Variants in RAB6B observed in about 807,000 individuals in gnomAD.
RAB6B encodes RAB6B, member RAS oncogene family.
A neutral mutation model predicts 31.2 loss-of-function variants in RAB6B; 7 were observed. That is an observed-to-expected ratio of 0.22 (90% CI 0.13 to 0.42). The LOEUF (loss-of-function observed/expected upper bound fraction) is 0.42. RAB6B is among the 10% of genes least tolerant of loss of function. The probability of loss-of-function intolerance (pLI) is 1.00; values close to 1 mark genes in which losing one functional copy is unlikely to be tolerated. For synonymous variants in RAB6B, 105 were observed against 104.9 expected, an observed-to-expected ratio of 1.00 and a Z score of -0.01; for missense variants, 149 against 280.6, an observed-to-expected ratio of 0.53 and a Z score of 3.35.
intron 1 of RAB6B, among the ~76,000 whole-genome samples, chr3:133,879,257 T>A (rs948281565): frequency 3.9e-5 from 6 of 152,244 alleles, no homozygotes; most frequent in African/African-American, 1.4e-4. Context: ...TTATTTTAAT[T>A]ACACGCACAC....
Position 133,895,546 on chromosome 3 carries a change from A to T in RAB6B, c.-80T>A, listed in dbSNP as rs1302644129. On this transcript the variant is annotated 5_prime_UTR_variant, in exon 1 of 8. Coordinates refer to ENST00000285208, the MANE Select transcript of RAB6B (RefSeq NM_016577.4). The stretch of plus-strand genomic sequence containing the variant: ...GAGGGGAGAGTAGGAGGGCGAGGGG[A>T]GGCGGCCGGCGGTGCGGGAGCCGGA... 6 of 1,466,246 alleles carry T rather than the reference A, an allele frequency of 4.1e-6. No homozygotes were observed. Among genetic ancestry groups the T allele is most frequent in the African/African-American group, 1.4e-5 (1 of 71,112 alleles). The allele number at this position is 1,466,246 out of a possible 1,614,324, so 90.8% of individuals were successfully genotyped here.
intron 1 of RAB6B, among the ~76,000 whole-genome samples, chr3:133,871,407 G>A (rs1936321746): frequency 6.6e-6 from 1 of 152,246 alleles, no homozygotes; most frequent in Non-Finnish European, 1.5e-5. Flanking sequence ...AACATTCCCG[G>A]GGAAGGGACT....
At chr3:133,869,713 T>C (rs1454966481) in intron 1 of RAB6B, among the ~76,000 whole-genome samples, 6 of 152,182 alleles carry the variant, frequency 3.9e-5, no homozygotes, top group Non-Finnish European at 4.4e-5. Context: ...GCCTGGAGTG[T>C]GCTCACACTG....
intron 7 of RAB6B, among the ~76,000 whole-genome samples, chr3:133,833,967 C>T (rs1299466408): frequency 6.6e-6 from 1 of 152,184 alleles, no homozygotes; most frequent in Non-Finnish European, 1.5e-5. Flanking sequence ...TGAATCCTAA[C>T]TGTAACTTAC....
chr3:133,861,718 C>T lies in RAB6B; in HGVS notation c.129+2866G>A, dbSNP rs183150795. 2.6e-5 allele frequency among the ~76,000 whole-genome samples: 4 copies of T among 152,164 alleles called. No homozygotes were observed. In the East Asian group the frequency reaches 5.8e-4, roughly 22 times the overall value. ...AACATCTTTTGTCAGAATGAGTGAA[C>T]GAGAGGGGAGTAGTGGGGCCAGAGA... is the stretch of plus-strand genomic sequence containing the variant. On this transcript the variant is annotated intron_variant, in intron 2 of 7. Coordinates refer to ENST00000285208, the MANE Select transcript of RAB6B (RefSeq NM_016577.4).
intron 1 of RAB6B, among the ~76,000 whole-genome samples, chr3:133,865,446 G>C (rs552178415): frequency 6.6e-6 from 1 of 152,246 alleles, no homozygotes. Flanking sequence ...CTCCCCTGGG[G>C]CCTGGCAGTG....
intron 1 of RAB6B, among the ~76,000 whole-genome samples, chr3:133,889,422 ATATATATATATATATATATATATT>A (rs1936602776): frequency 1.7e-5 from 1 of 58,170 alleles, no homozygotes; most frequent in African/African-American, 7.2e-5. Context: ...ATATATATAT[ATATATATATATATATATATATATT>A]TATTTTGGGA....
chr3:133,846,921 T>A (rs1259854872), intron 2 of RAB6B, among the ~76,000 whole-genome samples: 3 of 152,196 alleles, frequency 2.0e-5, no homozygotes, highest in Admixed American at 6.5e-5. Context: ...AGTCACATAA[T>A]TTGTCACCAG....
chr3:133,835,385 TTATG>T (rs1380941140), intron 6 of RAB6B, among the ~76,000 whole-genome samples: 2 of 151,764 alleles, frequency 1.3e-5, no homozygotes, highest in South Asian at 2.1e-4. Flanking sequence ...TGTGGCATCT[TTATG>T]TGTGTGTTTG....
At chr3:133,875,673 A>T (rs1250980013) in intron 1 of RAB6B, among the ~76,000 whole-genome samples, 1 of 152,116 alleles carries the variant, frequency 6.6e-6, no homozygotes, top group Non-Finnish European at 1.5e-5. Flanking sequence ...GGGGCTTCTA[A>T]ACTGAGAGTC....
intron 1 of RAB6B, chr3:133,885,411 C>T: frequency 1.4e-6 from 1 of 694,832 alleles, no homozygotes. Context: ...TGCTCACACA[C>T]TAATGATCAG....
In RAB6B at chr3:133,827,155, C is replaced by T. The variant is rs146832363; in HGVS notation, c.*1633G>A. On this transcript the variant is annotated 3_prime_UTR_variant, in exon 8 of 8. Coordinates refer to ENST00000285208, the MANE Select transcript of RAB6B (RefSeq NM_016577.4). ...GCACAAATATCAGTCCTGCCAGATT[C>T]TGCTGCACTTACTGCCTGCCATTTC... 2.0e-5 allele frequency: 3 copies of T among 152,510 alleles called. No homozygotes were observed. Among genetic ancestry groups the T allele is most frequent in the Admixed American group, 2.0e-4 (3 of 15,308 alleles). The allele number at this position is 152,510 out of a possible 1,614,324, so 9.4% of individuals were successfully genotyped here. A position where few individuals can be genotyped will look rare whatever the true frequency, so the allele number is the denominator to read the frequency against.
In RAB6B at chr3:133,827,759, C is replaced by G. The variant is rs991688175; in HGVS notation, c.*1029G>C. ...TCTGCAGACAACACCCCCCCCCCCCCCCGCCTCCCCATCACAGAGGATCAA... is the reference window on the plus strand; with the variant it reads ...TCTGCAGACAACACCCCCCCCCCCCGCCGCCTCCCCATCACAGAGGATCAA... On this transcript the variant is annotated 3_prime_UTR_variant, in exon 8 of 8. Coordinates refer to ENST00000285208, the MANE Select transcript of RAB6B (RefSeq NM_016577.4). 76 of 97,758 alleles carry G rather than the reference C, an allele frequency of 7.8e-4. 6 individuals carry two copies. The South Asian group carries it at 9.4e-3, about 12-fold the overall frequency. 6.1% of individuals were successfully genotyped at this position (97,758 alleles called of 1,614,324 possible). A position where few individuals can be genotyped will look rare whatever the true frequency, so the allele number is the denominator to read the frequency against.
At chr3:133,885,365 C>T (rs1007835327) in intron 1 of RAB6B, among the ~76,000 whole-genome samples, 5 of 141,998 alleles carry the variant, frequency 3.5e-5, no homozygotes, top group East Asian at 2.2e-4. Context: ...GACCAGAGGA[C>T]GGGGGACTCA....
chr3:133,870,810 A>C (rs1325796244), intron 1 of RAB6B, among the ~76,000 whole-genome samples: 1 of 79,488 alleles, frequency 1.3e-5, no homozygotes, highest in Non-Finnish European at 2.6e-5. Context: ...ATCAGCATGA[A>C]ACAGTTATTT....
chr3:133,871,894 G>A (rs1936331255), intron 1 of RAB6B, among the ~76,000 whole-genome samples: 1 of 152,208 alleles, frequency 6.6e-6, no homozygotes, highest in African/African-American at 2.4e-5. Context: ...AGAGCTCCTG[G>A]CCAAACAGTG....
chr3:133,853,097 AACTAGCC>A (rs1287411644), intron 2 of RAB6B, among the ~76,000 whole-genome samples: 1 of 152,056 alleles, frequency 6.6e-6, no homozygotes, highest in African/African-American at 2.4e-5. Flanking sequence ...CAAAAAGAAC[AACTAGCC>A]ACCCAGGTAG....
chr3:133,840,181 A>AT (rs1331545812), intron 4 of RAB6B, among the ~76,000 whole-genome samples: 2 of 151,898 alleles, frequency 1.3e-5, no homozygotes, highest in African/African-American at 4.8e-5. Context: ...AGATGAGAGG[A>AT]GGGGAAAGGT....
chr3:133,868,519 G>T (rs756324321), intron 1 of RAB6B, among the ~76,000 whole-genome samples: 2 of 152,220 alleles, frequency 1.3e-5, no homozygotes, highest in Non-Finnish European at 2.9e-5. Context: ...TGCTTCTACC[G>T]CAGCTCTCGG....
Sources: allele counts gnomAD v4.1 joint callset (sites outside exome capture counted in the v4.1 genomes callset), GRCh38; gene constraint gnomAD v4.1.1; transcripts MANE v1.5; gene names NCBI Gene and HGNC (gene_info 2026-07-23, HGNC 2026-07-21).